Variants in LGSN observed in about 807,000 individuals in gnomAD.
LGSN encodes lengsin, lens protein with glutamine synthetase domain.
LGSN carries 21 observed loss-of-function variants against 19.5 expected under a neutral mutation model. That is an observed-to-expected ratio of 1.07 (90% CI 0.76 to 1.55). The LOEUF is 1.55. Ranked by LOEUF, LGSN falls within the 40% of genes most tolerant of loss-of-function variation. The pLI is 0.00. For synonymous variants in LGSN, 257 were observed against 215.6 expected (o/e 1.19, Z -1.68); for missense variants, 673 against 608.5 (o/e 1.11, Z -1.12).
chr6:63,338,477 A>G, the LGSN span, among the ~76,000 whole-genome samples: 2 of 152,048 alleles, frequency 1.3e-5, no homozygotes, highest in Non-Finnish European at 2.9e-5. Context: ...AGGTTTTCCA[A>G]TTTTTTGGCA....
chr6:63,302,892 C>T (rs549543448), intron 1 of LGSN, among the ~76,000 whole-genome samples: 4 of 152,082 alleles, frequency 2.6e-5, no homozygotes, highest in East Asian at 3.9e-4. Flanking sequence ...TTTGGGATGC[C>T]GAGGTAGGTG....
the LGSN span, among the ~76,000 whole-genome samples, chr6:63,338,706 T>C: frequency 6.6e-6 from 1 of 152,144 alleles, no homozygotes; most frequent in African/African-American, 2.4e-5. Flanking sequence ...TGATATTTAT[T>C]ATTTTTCTTT....
chr6:63,486,855 A>T, the LGSN span, among the ~76,000 whole-genome samples: 1 of 146,854 alleles, frequency 6.8e-6, no homozygotes, highest in African/African-American at 2.5e-5. Context: ...TTATTATTTG[A>T]GAAAGAATCT....
chr6:63,556,211 T>C, the LGSN span, among the ~76,000 whole-genome samples: 1 of 152,122 alleles, frequency 6.6e-6, no homozygotes, highest in African/African-American at 2.4e-5. Flanking sequence ...TCTTGCTTTG[T>C]TGCAGTGCCA....
At chr6:63,559,458 ATTTC>A in the LGSN span, among the ~76,000 whole-genome samples, 1 of 152,174 alleles carries the variant, frequency 6.6e-6, no homozygotes, top group African/African-American at 2.4e-5. Context: ...TAAAAAATGA[ATTTC>A]ACGGCCAGGT....
chr6:63,570,605 C>T, the LGSN span, among the ~76,000 whole-genome samples: 1 of 152,220 alleles, frequency 6.6e-6, no homozygotes, highest in Non-Finnish European at 1.5e-5. Flanking sequence ...TTGGCTAACA[C>T]ATATTTGGCT....
At chr6:63,507,995 C>T in the LGSN span, among the ~76,000 whole-genome samples, 4 of 152,046 alleles carry the variant, frequency 2.6e-5, no homozygotes, top group African/African-American at 9.7e-5. Context: ...AGTAAAATAC[C>T]ACCACACTAT....
chr6:63,446,744 A>G, the LGSN span, among the ~76,000 whole-genome samples: 1 of 152,200 alleles, frequency 6.6e-6, no homozygotes, highest in Non-Finnish European at 1.5e-5. Context: ...AGAAAAATAC[A>G]GTATAGTTGA....
the LGSN span, among the ~76,000 whole-genome samples, chr6:63,444,686 C>T: frequency 6.6e-6 from 1 of 152,162 alleles, no homozygotes; most frequent in Non-Finnish European, 1.5e-5. Context: ...TCTAACATTC[C>T]ACCGTTAACA....
the LGSN span, among the ~76,000 whole-genome samples, chr6:63,560,494 C>T: frequency 6.6e-6 from 1 of 151,518 alleles, no homozygotes; most frequent in East Asian, 1.9e-4. Context: ...CCTCTGCCTC[C>T]CGAGTTCAAG....
the LGSN span, among the ~76,000 whole-genome samples, chr6:63,429,679 T>C: frequency 1.3e-5 from 2 of 150,980 alleles, no homozygotes; most frequent in Non-Finnish European, 1.5e-5. Flanking sequence ...GAGTTAGTGG[T>C]TGCAGTGAGC....
At chr6:63,463,762 CAT>C in the LGSN span, among the ~76,000 whole-genome samples, 1 of 152,086 alleles carries the variant, frequency 6.6e-6, no homozygotes, top group Non-Finnish European at 1.5e-5. Flanking sequence ...TAGTTAATGA[CAT>C]ATGTGTTGAA....
At chr6:63,308,728 A>G (rs907247737) in intron 1 of LGSN, among the ~76,000 whole-genome samples, 2 of 152,216 alleles carry the variant, frequency 1.3e-5, no homozygotes, top group African/African-American at 2.4e-5. Context: ...TGAAAACGCA[A>G]ACAAGCAAAT....
At chr6:63,418,505 G>A in the LGSN span, among the ~76,000 whole-genome samples, 1 of 152,328 alleles carries the variant, frequency 6.6e-6, no homozygotes, top group Non-Finnish European at 1.5e-5. Context: ...AGGTTGCAGT[G>A]AGCCGAGATT....
the LGSN span, among the ~76,000 whole-genome samples, chr6:63,332,670 C>T: frequency 2.0e-5 from 3 of 152,040 alleles, no homozygotes; most frequent in Non-Finnish European, 4.4e-5. Flanking sequence ...GACAGGTGCC[C>T]GGTATTTAGC....
chr6:63,513,710 AGACCAGCCT>A, the LGSN span, among the ~76,000 whole-genome samples: 1 of 152,164 alleles, frequency 6.6e-6, no homozygotes, highest in South Asian at 2.1e-4. Context: ...CAGGAATTGG[AGACCAGCCT>A]GACCAAGATG....
the LGSN span, among the ~76,000 whole-genome samples, chr6:63,413,471 G>T: frequency 6.6e-6 from 1 of 152,108 alleles, no homozygotes; most frequent in African/African-American, 2.4e-5. Flanking sequence ...TTACTTAACA[G>T]ATTTGTGACT....
the LGSN span, among the ~76,000 whole-genome samples, chr6:63,334,752 A>G: frequency 6.6e-6 from 1 of 152,112 alleles, no homozygotes; most frequent in East Asian, 1.9e-4. Context: ...GTTCTGGTAT[A>G]AAAATAGACC....
At chr6:63,434,604 CAAA>C in the LGSN span, among the ~76,000 whole-genome samples, 83 of 62,906 alleles carry the variant, frequency 1.3e-3, no homozygotes, top group African/African-American at 3.5e-3. Flanking sequence ...ACTAAAAATT[CAAA>C]AAAAAAAAAA....
Sources: allele counts gnomAD v4.1 joint callset (sites outside exome capture counted in the v4.1 genomes callset), GRCh38; gene constraint gnomAD v4.1.1; transcripts MANE v1.5; gene names NCBI Gene and HGNC (gene_info 2026-07-23, HGNC 2026-07-21).